Variants in ZNF638 observed in about 807,000 individuals in gnomAD.
The protein encoded by ZNF638 is zinc finger protein 638, also known as CTCL tumor antigen se33-1.
A neutral mutation model predicts 195.6 loss-of-function variants in ZNF638; 46 were observed. The ratio of observed to expected loss-of-function variants is 0.24; its 90% CI spans 0.19 to 0.30. The LOEUF is 0.30. Ranked by LOEUF, ZNF638 falls within the 10% of genes least tolerant of loss-of-function variation. ZNF638 has a pLI of 1.00. For synonymous variants in ZNF638, 845 were observed against 772.0 expected (o/e 1.09, Z -1.57); for missense variants, 2,440 against 2,325.3 (o/e 1.05, Z -1.01).
At chr2:71,355,553 G>A (rs2079010710) in intron 2 of ZNF638, among the ~76,000 whole-genome samples, 166 bp from the exon 3 acceptor site, 1 of 152,130 alleles carries the variant, frequency 6.6e-6, no homozygotes, top group Non-Finnish European at 1.5e-5. Flanking sequence ...TTTGTTTCAA[G>A]GCCTTTAATT....
intron 10 of ZNF638, among the ~76,000 whole-genome samples, chr2:71,383,493 T>C (rs1471412156): frequency 1.3e-5 from 2 of 151,766 alleles, no homozygotes; most frequent in Admixed American, 6.6e-5. Context: ...TCACTACTTT[T>C]CTCCAGCCTT....
rs141918655 is a variant in ZNF638 at position 71,426,826 on chromosome 2, G to A, written c.4957G>A (p.Asp1653Asn). Residue 1653 changes from aspartate (D) to asparagine (N), a missense_variant, in exon 24 of 28, where the codon GAT becomes AAT. Coordinates refer to ENST00000264447, the MANE Select transcript of ZNF638 (RefSeq NM_014497.5). ...FTLDELIDQDDCISHSEPKDV... is the reference protein window; with the variant it reads ...FTLDELIDQDNCISHSEPKDV... ...ATTAGATGAATTAATTGACCAAGAT[G>A]ATTGCATTTCCCACAGTGAACCTAA... 64 of 1,613,350 alleles carry A rather than the reference G, an allele frequency of 4.0e-5. No individual in the cohort carries two copies. The highest frequency in any genetic ancestry group is 4.9e-5 in the Non-Finnish European group (58 of 1,179,608).
At chr2:71,421,682 A>C (rs1278810198) in intron 21 of ZNF638, among the ~76,000 whole-genome samples, 3 of 152,212 alleles carry the variant, frequency 2.0e-5, no homozygotes, top group Non-Finnish European at 2.9e-5. Context: ...TTCCTTAAAA[A>C]ATAGGAGAAG....
chr2:71,373,504 G>A lies in ZNF638; in HGVS notation c.2265+3499G>A, dbSNP rs377283066. ...CTGTCGCCCAGGCTGGAGTGCAGTG[G>A]CACCATCTCGCCTCACTGCAAGCTC... On this transcript the variant is annotated intron_variant, in intron 8 of 27. Coordinates refer to ENST00000264447, the MANE Select transcript of ZNF638 (RefSeq NM_014497.5). 3.7e-5 allele frequency among the ~76,000 whole-genome samples: 5 copies of A among 135,328 alleles called. No individual in the cohort carries two copies. In the South Asian group the frequency reaches 7.2e-4, roughly 19 times the overall value. The allele number at this position is 135,328 out of a possible 152,430, so 88.8% of individuals were successfully genotyped here.
intron 21 of ZNF638, among the ~76,000 whole-genome samples, chr2:71,420,299 T>G (rs2152599318): frequency 6.6e-6 from 1 of 151,722 alleles, no homozygotes; most frequent in Non-Finnish European, 1.5e-5. Context: ...AAATACTGTT[T>G]AGAGGAAACT....
chr2:71,426,090 T>C (rs1274539474), intron 23 of ZNF638, among the ~76,000 whole-genome samples: 1 of 152,256 alleles, frequency 6.6e-6, no homozygotes, highest in Non-Finnish European at 1.5e-5. Flanking sequence ...GTAAGTCTTC[T>C]AGAGCACTTA....
Position 71,427,067 on chromosome 2 carries a change from T to C in ZNF638, c.5198T>C (p.Leu1733Ser), listed in dbSNP as rs775325405. The C allele has an allele frequency of 2.4e-5, 39 of 1,614,154 alleles. No homozygotes were observed. Among genetic ancestry groups the C allele is most frequent in the Admixed American group, 6.7e-5 (4 of 60,028 alleles). ...SSQVPEDPST[L>S]VTVDEIQDDS... ...CAGGTGCCCGAAGACCCTTCTACTT[T>C]AGTTACTGTAGATGAAATACAAGAT... The change falls in exon 24 of 28, where the codon TTA (leucine) becomes TCA (serine). Residue 1733 changes from leucine (L) to serine (S), a missense_variant. Coordinates refer to ENST00000264447, the MANE Select transcript of ZNF638 (RefSeq NM_014497.5).
At chr2:71,341,700 G>A (rs2078764640) in intron 1 of ZNF638, 2 of 152,182 alleles carry the variant, frequency 1.3e-5, no homozygotes, top group East Asian at 1.9e-4. Flanking sequence ...TCAACTCTTC[G>A]TTTTTCCAGG....
chr2:71,431,465 A>G (rs1358260924), intron 26 of ZNF638, 37 bp downstream of exon 26: 1 of 1,601,578 alleles, frequency 6.2e-7, no homozygotes, highest in South Asian at 1.1e-5. Flanking sequence ...TACCCATATG[A>G]AATTTAAAAG....
rs1410245771 is a variant in ZNF638, at chr2:71,405,385, AG to A, written c.2959-212del. Among the ~76,000 whole-genome samples, 3 of 152,320 alleles carry A rather than the reference AG, an allele frequency of 2.0e-5. No individual in the cohort carries two copies. The South Asian group carries it at 6.2e-4, about 32-fold the overall frequency. ...TATCTTATTAGTCTTTTATATTCTT[AG>A]GGGAATAAGAAGAATTAAATTGTAT... On this transcript the variant is annotated intron_variant, in intron 17 of 27. Coordinates refer to ENST00000264447, the MANE Select transcript of ZNF638 (RefSeq NM_014497.5).
rs772124459 is a variant in ZNF638, at chr2:71,370,020, G to T, written c.2265+15G>T. On this transcript the variant is annotated intron_variant, in intron 8 of 27. Coordinates refer to ENST00000264447, the MANE Select transcript of ZNF638 (RefSeq NM_014497.5). Reference sequence around the variant, plus strand: ...AAAAAGCACAGGTAATCTGGATTTAGGTCTTAAATGTTTTATCACTGTTGT... The same window carrying T: ...AAAAAGCACAGGTAATCTGGATTTATGTCTTAAATGTTTTATCACTGTTGT... 2 of 1,580,046 alleles carry T rather than the reference G, an allele frequency of 1.3e-6. No individual in the cohort carries two copies. Among genetic ancestry groups the T allele is most frequent in the Admixed American group, 4.0e-5 (2 of 49,524 alleles).
At chr2:71,410,098 G>A (rs1483155804) in intron 20 of ZNF638, among the ~76,000 whole-genome samples, 1 of 152,168 alleles carries the variant, frequency 6.6e-6, no homozygotes, top group African/African-American at 2.4e-5. Flanking sequence ...TTATTGAGGA[G>A]AAGTCTGATT....
intron 8 of ZNF638, chr2:71,375,405 A>G (rs66793870): frequency 0.48 from 72,910 of 152,086 alleles, 18,974 homozygotes; most frequent in Admixed American, 0.61. Context: ...TGTAGAATGT[A>G]TCTTTCATCC....
In ZNF638 at chr2:71,354,751, GA is replaced by G. The variant is rs754928381; in HGVS notation, c.1318-956del. 2.2e-3 allele frequency among the ~76,000 whole-genome samples: 293 copies of G among 133,720 alleles called. 1 individual carries two copies. Among genetic ancestry groups the G allele is most frequent in the Middle Eastern group, 3.7e-3 (1 of 270 alleles). 87.7% of individuals were successfully genotyped at this position (133,720 alleles called of 152,430 possible). On this transcript the variant is annotated intron_variant, in intron 2 of 27. Transcript: ENST00000264447. ...AAACTGTCTCAAAAAAAAAAGAAAAGAAAAAAAAAAAAGAAGCATTTCGTTA... is the reference window on the plus strand; with the variant it reads ...AAACTGTCTCAAAAAAAAAAGAAAAGAAAAAAAAAAAGAAGCATTTCGTTA...
chr2:71,368,671 C>G (rs918594620), intron 7 of ZNF638, 143 bp downstream of exon 7: 1 of 860,986 alleles, frequency 1.2e-6, no homozygotes, highest in Non-Finnish European at 1.7e-6. Flanking sequence ...TGTGAATAAG[C>G]AAGGCCGCAA....
At chr2:71,363,772 T>C (rs2079148805) in intron 4 of ZNF638, among the ~76,000 whole-genome samples, 182 bp from the exon 5 acceptor site, 2 of 152,248 alleles carry the variant, frequency 1.3e-5, no homozygotes, top group African/African-American at 2.4e-5. Flanking sequence ...TCTGATTGTT[T>C]CTTATTTACG....
Position 71,422,903 on chromosome 2 carries a change from A to C in ZNF638, c.3389A>C (p.Glu1130Ala), listed in dbSNP as rs1273050436. 1.9e-6 allele frequency: 3 copies of C among 1,614,112 alleles called. No individual in the cohort carries two copies. In the South Asian group the frequency reaches 3.3e-5, roughly 18 times the overall value. Reference protein sequence around the residue: ...PSVKPNELEEESTPSIQTETL... With the variant: ...PSVKPNELEEASTPSIQTETL... ...GTTAAACCTAATGAGCTTGAAGAAG[A>C]AAGTACTCCCAGCATTCAAACAGAA... The change falls in exon 22 of 28, where the codon GAA becomes GCA. Residue 1130 changes from glutamate to alanine, a missense_variant. Coordinates refer to ENST00000264447, the MANE Select transcript of ZNF638 (RefSeq NM_014497.5).
chr2:71,427,392 C>G lies in ZNF638; in HGVS notation c.5523C>G (p.Thr1841=), dbSNP rs145701404. Residue 1841 remains threonine (T), a synonymous_variant, in exon 24 of 28, where the codon ACC becomes ACG. Coordinates refer to ENST00000264447, the MANE Select transcript of ZNF638 (RefSeq NM_014497.5). ...NENVMEEDLK[T]MIERHLTAKT... ...ATGTTATGGAAGAAGATCTAAAAACCATGATTGAAAGACACTTAACAGGTA... is the reference window on the plus strand; with the variant it reads ...ATGTTATGGAAGAAGATCTAAAAACGATGATTGAAAGACACTTAACAGGTA... The G allele has an allele frequency of 1.9e-4, 293 of 1,573,404 alleles. 1 individual carries two copies. The East Asian group carries it at 5.3e-3, about 28-fold the overall frequency.
chr2:71,393,383 A>AC (rs1011252354), intron 10 of ZNF638: 3 of 717,314 alleles, frequency 4.2e-6, no homozygotes, highest in Admixed American at 2.0e-5. Context: ...TTGTGTTCAC[A>AC]CCCCCCTCAG....
Sources: gnomAD v4.1 joint callset for allele counts (sites outside exome capture counted in the v4.1 genomes callset) on GRCh38, gnomAD v4.1.1 for gene constraint, MANE v1.5 for transcripts, NCBI Gene and HGNC (gene_info 2026-07-23, HGNC 2026-07-21) for gene names.